The following RAB3D variants were observed in gnomAD, a reference collection of about 807,000 sequenced individuals.
The protein encoded by RAB3D is ras-related protein Rab-3D.
In RAB3D, 17 loss-of-function variants were observed where a neutral mutation model predicts 19.3. That is an observed-to-expected ratio of 0.88 (90% confidence interval 0.60 to 1.32). The LOEUF is 1.32. Ranked by LOEUF, RAB3D falls within the 40% of genes most tolerant of loss-of-function variation. RAB3D has a pLI of 0.00. For missense variants in RAB3D, 223 were observed against 299.1 expected, an observed-to-expected ratio of 0.75 and a Z score of 1.88; for synonymous variants, 103 against 119.9, an observed-to-expected ratio of 0.86 and a Z score of 0.92.
intron 2 of RAB3D, 32 bp downstream of exon 2, chr19:11,337,140 A>ACCC: frequency 6.3e-7 from 1 of 1,578,916 alleles, no homozygotes; most frequent in Non-Finnish European, 8.7e-7. Flanking sequence ...GAGGGACCCC[A>ACCC]CCCCCAACCC....
chr19:11,326,723 C>G (rs1449485339), intron 4 of RAB3D: 2 of 685,446 alleles, frequency 2.9e-6, no homozygotes, highest in African/African-American at 3.5e-5. Context: ...CCCGCCTTGG[C>G]CCCCTGAGTA....
rs2080803803 is a variant in RAB3D at position 11,325,117 on chromosome 19, A to G, written c.*281T>C. On this transcript the variant is annotated 3_prime_UTR_variant, in exon 5 of 5. Transcript: ENST00000222120. ...GACGTGTCACCCATGGCCACCCTCAACACACCCTGGAAAGCAGCAAGCTCA... is the reference window on the plus strand; with the variant it reads ...GACGTGTCACCCATGGCCACCCTCAGCACACCCTGGAAAGCAGCAAGCTCA... 2.9e-6 allele frequency: 1 copy of G among 344,442 alleles called. No homozygotes were observed. The highest frequency in any genetic ancestry group is 5.5e-6 in the Non-Finnish European group (1 of 181,692). The allele number at this position is 344,442 out of a possible 1,614,324, so 21.3% of individuals were successfully genotyped here.
At position 11,335,578 on chromosome 19, in the gene RAB3D, A is replaced by T. The variant is rs765718789; in HGVS notation, c.348-7T>A. 6.2e-7 allele frequency: 1 copy of T among 1,613,996 alleles called. No homozygotes were observed. Among genetic ancestry groups the T allele is most frequent in the Non-Finnish European group, 8.5e-7 (1 of 1,179,910 alleles). Reference sequence around the variant, plus strand: ...GGTCTTGATTTGCGTGGCCCTGCAGAGTTACCAGTGGTGAGCCATGAGCCG... The same window carrying T: ...GGTCTTGATTTGCGTGGCCCTGCAGTGTTACCAGTGGTGAGCCATGAGCCG... On this transcript the variant is annotated splice_region_variant and splice_polypyrimidine_tract_variant and intron_variant, in intron 3 of 4. Coordinates refer to ENST00000222120, the MANE Select transcript of RAB3D (RefSeq NM_004283.4).
intron 4 of RAB3D, among the ~76,000 whole-genome samples, chr19:11,334,440 G>A (rs1274183230): frequency 6.6e-6 from 1 of 152,128 alleles, no homozygotes; most frequent in Non-Finnish European, 1.5e-5. Context: ...CTGCACTCTA[G>A]CCTGGGCAAC....
rs1247001268 is a variant in RAB3D, at chr19:11,323,714, C to T, written c.*1684G>A. 6.6e-6 allele frequency: 1 copy of T among 152,222 alleles called. No homozygotes were observed. Among genetic ancestry groups the T allele is most frequent in the Non-Finnish European group, 1.5e-5 (1 of 68,104 alleles). 9.4% of individuals were successfully genotyped at this position (152,222 alleles called of 1,614,324 possible). On this transcript the variant is annotated 3_prime_UTR_variant, in exon 5 of 5. Transcript: ENST00000222120. ...ACCAGGCTTTCCCCCTCACACATAC[C>T]CCAGGGAAGAGGCTGAGCTCATGAA...
rs1952660748 is a variant in RAB3D, at chr19:11,323,314, C to G, written c.*2084G>C. The G allele has an allele frequency of 1.3e-5, 2 of 152,216 alleles. No individual in the cohort carries two copies. The highest frequency in any genetic ancestry group is 4.1e-4 in the South Asian group (2 of 4,832). 9.4% of individuals were successfully genotyped at this position (152,216 alleles called of 1,614,324 possible). A position where few individuals can be genotyped will look rare whatever the true frequency, so the allele number is the denominator to read the frequency against. ...TTGTTGGTATAAAAGATACCCTCGG[C>G]TGGGCGTGATGGCTCACGCCTGTAA... On this transcript the variant is annotated 3_prime_UTR_variant, in exon 5 of 5. Transcript: ENST00000222120.
chr19:11,337,846 A>T (rs546088161), intron 1 of RAB3D, among the ~76,000 whole-genome samples: 92 of 151,684 alleles, frequency 6.1e-4, no homozygotes, highest in African/African-American at 1.1e-3. Context: ...TTTAAAAAAA[A>T]TTTTTTTGTA....
chr19:11,335,794 G>T lies in RAB3D; in HGVS notation c.229-11C>A. The T allele has an allele frequency of 6.2e-7, 1 of 1,611,794 alleles. No homozygotes were observed. Among genetic ancestry groups the T allele is most frequent in the Non-Finnish European group, 8.5e-7 (1 of 1,177,826 alleles). On this transcript the variant is annotated splice_polypyrimidine_tract_variant and intron_variant, in intron 2 of 4. Transcript: ENST00000222120. ...CTGGCCCGCTGTGTCCTGGACAAAT[G>T]GCAGTGGCAGTTGGCTGGGAACTAC...
chr19:11,338,998 C>T (rs376806909), intron 1 of RAB3D, among the ~76,000 whole-genome samples: 19 of 152,354 alleles, frequency 1.2e-4, no homozygotes, highest in African/African-American at 4.3e-4. Flanking sequence ...TCTCAACTGC[C>T]TTTGGGGCTT....
rs954880691 is a variant in RAB3D at position 11,337,846 on chromosome 19, AT to A, written c.-61-387del. On this transcript the variant is annotated intron_variant, in intron 1 of 4. Coordinates refer to ENST00000222120, the MANE Select transcript of RAB3D (RefSeq NM_004283.4). The stretch of plus-strand genomic sequence containing the variant: ...ACCACATCAGGCTAATTTAAAAAAA[AT>A]TTTTTTGTAGAGATGGGGTCTCATT... 3.3e-5 allele frequency among the ~76,000 whole-genome samples: 5 copies of A among 151,684 alleles called. No homozygotes were observed. The East Asian group carries it at 9.7e-4, about 29-fold the overall frequency.
intron 4 of RAB3D, among the ~76,000 whole-genome samples, chr19:11,333,976 A>G (rs1009969415): frequency 2.0e-5 from 3 of 151,828 alleles, no homozygotes; most frequent in African/African-American, 7.3e-5. Flanking sequence ...GATTTCAGGC[A>G]TGAGCCACCA....
chr19:11,336,031 T>C (rs1337215230), intron 2 of RAB3D, among the ~76,000 whole-genome samples: 4 of 152,202 alleles, frequency 2.6e-5, no homozygotes, highest in African/African-American at 9.6e-5. Flanking sequence ...GGCTTGCCCT[T>C]GAGGGGTTCC....
intron 4 of RAB3D, among the ~76,000 whole-genome samples, chr19:11,328,401 C>T (rs1171869167): frequency 1.3e-5 from 2 of 150,408 alleles, no homozygotes; most frequent in Admixed American, 6.6e-5. Context: ...CCTGTAATTC[C>T]AGCACTTTGG....
chr19:11,333,728 C>G (rs187903969), intron 4 of RAB3D, among the ~76,000 whole-genome samples: 15 of 152,038 alleles, frequency 9.9e-5, no homozygotes, highest in Admixed American at 8.5e-4. Context: ...GAGTCTCCCC[C>G]CATTGCCCAG....
chr19:11,337,302 A>G lies in RAB3D; in HGVS notation c.98T>C (p.Val33Ala), dbSNP rs145122885. 16 of 1,614,016 alleles carry G rather than the reference A, an allele frequency of 9.9e-6. No homozygotes were observed. The highest frequency in any genetic ancestry group is 1.4e-5 in the Non-Finnish European group (16 of 1,180,036). The change falls in exon 2 of 5, where the codon GTG becomes GCG. Residue 33 changes from valine (V) to alanine (A), a missense_variant. By Grantham distance (64) the Val-to-Ala change is moderately conservative. Transcript: ENST00000222120. The stretch of plus-strand genomic sequence containing the variant: ...TCGGAACAGGAAGGAAGTCTTGCCC[A>G]CACTGCTGTTGCCTATCAGTAGCAG... The part of the protein sequence containing the change: ...FKLLLIGNSS[V>A]GKTSFLFRYA...
intron 4 of RAB3D, among the ~76,000 whole-genome samples, chr19:11,329,860 T>C (rs552635875): frequency 1.5e-3 from 234 of 152,186 alleles, no homozygotes; most frequent in Admixed American, 3.1e-3. Context: ...TTTTGTATTT[T>C]TGGTAGAGAC....
intron 2 of RAB3D, among the ~76,000 whole-genome samples, chr19:11,336,037 G>T (rs1005757344): frequency 1.3e-5 from 2 of 152,198 alleles, no homozygotes; most frequent in African/African-American, 4.8e-5. Flanking sequence ...CCCTTGAGGG[G>T]TTCCAAGTCT....
chr19:11,333,454 T>C (rs1336329228), intron 4 of RAB3D, among the ~76,000 whole-genome samples: 1 of 152,112 alleles, frequency 6.6e-6, no homozygotes, highest in African/African-American at 2.4e-5. Flanking sequence ...GTAGGGAACA[T>C]CTGTGTAAAA....
chr19:11,325,593 A>C lies in RAB3D; in HGVS notation c.473-8T>G, dbSNP rs2080807880. 6.3e-7 allele frequency: 1 copy of C among 1,588,000 alleles called. No homozygotes were observed. On this transcript the variant is annotated splice_region_variant and splice_polypyrimidine_tract_variant and intron_variant, in intron 4 of 4. Coordinates refer to ENST00000222120, the MANE Select transcript of RAB3D (RefSeq NM_004283.4). ...CTTCAAAGAACTCGAAACCTGGATG[A>C]ATGTTAAGGTGGGGACACTCGTAAG... is the stretch of plus-strand genomic sequence containing the variant.
Sources: allele counts gnomAD v4.1 joint callset (sites outside exome capture counted in the v4.1 genomes callset), GRCh38; gene constraint gnomAD v4.1.1; transcripts MANE v1.5; gene names NCBI Gene and HGNC (gene_info 2026-07-23, HGNC 2026-07-21).